The following NUGGC variants were observed in gnomAD, a reference collection of about 807,000 sequenced individuals.
NUGGC encodes nuclear GTPase SLIP-GC.
A neutral mutation model predicts 92.6 loss-of-function variants in NUGGC; 58 were observed. The observed-to-expected ratio is 0.63, with a 90% CI of 0.51 to 0.78. The LOEUF is 0.78. Ranked by LOEUF, NUGGC falls within the 30% of genes least tolerant of loss-of-function variation. The pLI, the probability that NUGGC is intolerant of heterozygous loss-of-function variation, is 0.00. For missense variants in NUGGC, 925 were observed against 964.6 expected, an observed-to-expected ratio of 0.96 and a Z score of 0.54; for synonymous variants, 376 against 366.4, an observed-to-expected ratio of 1.03 and a Z score of -0.30.
At chr8:28,070,988 CAAAAAATA>C (rs1222329895) in intron 2 of NUGGC, among the ~76,000 whole-genome samples, 53 of 151,202 alleles carry the variant, frequency 3.5e-4, no homozygotes, top group African/African-American at 9.2e-4. Context: ...GACCCTGTCT[CAAAAAATA>C]AAAAAATAAA....
intron 10 of NUGGC, among the ~76,000 whole-genome samples, chr8:28,051,338 G>A (rs1423315377): frequency 6.6e-6 from 1 of 152,148 alleles, no homozygotes; most frequent in African/African-American, 2.4e-5. Flanking sequence ...TTGAGCATCA[G>A]AATGAACACA....
chr8:28,070,665 G>A (rs1445034278), intron 2 of NUGGC, among the ~76,000 whole-genome samples: 1 of 150,376 alleles, frequency 6.6e-6, no homozygotes, highest in African/African-American at 2.4e-5. Flanking sequence ...GCATGATCAC[G>A]ACTCACTGCA....
At chr8:28,048,425 T>C (rs1021287990) in intron 10 of NUGGC, among the ~76,000 whole-genome samples, 3 of 144,346 alleles carry the variant, frequency 2.1e-5, no homozygotes, top group African/African-American at 7.9e-5. Flanking sequence ...TTGTTTGTTT[T>C]GGGGGATTTT....
chr8:28,081,007 T>TAA (rs146531275), intron 1 of NUGGC, among the ~76,000 whole-genome samples: 1 of 152,058 alleles, frequency 6.6e-6, no homozygotes, highest in African/African-American at 2.4e-5. Flanking sequence ...GAATTGGTTT[T>TAA]AAAAAAAATA....
rs769261379 is a variant in NUGGC, at chr8:28,055,957, T to G, written c.1206+8A>C. ...CAGAAAAACACATAGAGAAACCTAT[T>G]AACTCACCTTCAGTTTTTCCTTGAG... On this transcript the variant is annotated splice_region_variant and intron_variant, in intron 10 of 18. Coordinates refer to ENST00000413272, the MANE Select transcript of NUGGC (RefSeq NM_001010906.2). 1 of 1,419,060 alleles carries G rather than the reference T, an allele frequency of 7.0e-7. No individual in the cohort carries two copies. 87.9% of individuals were successfully genotyped at this position (1,419,060 alleles called of 1,614,324 possible). A position where few individuals can be genotyped will look rare whatever the true frequency, so the allele number is the denominator to read the frequency against.
chr8:28,040,147 C>A (rs1425595144), intron 13 of NUGGC, among the ~76,000 whole-genome samples: 2 of 152,146 alleles, frequency 1.3e-5, no homozygotes, highest in Admixed American at 6.6e-5. Flanking sequence ...GTGGTTCAGG[C>A]CACCCAGTCT....
At position 28,067,532 on chromosome 8, in the gene NUGGC, G is replaced by A. The variant is rs1461299210; in HGVS notation, c.693C>T (p.Ile231=). The A allele has an allele frequency of 1.2e-6, 2 of 1,609,108 alleles. No individual in the cohort carries two copies. The highest frequency in any genetic ancestry group is 1.1e-5 in the South Asian group (1 of 89,940). ...PKRKIPTSRV[I]TLKAEEAEEL... ...ACGCTACCTCTTCCGCCTTGAGGGT[G>A]ATGACTCTGGAGGTGGGGATCTTCC... The change falls in exon 6 of 19, where the codon ATC becomes ATT. Residue 231 remains isoleucine (I), a synonymous_variant. Transcript: ENST00000413272.
At chr8:28,058,943 A>T (rs1172492035) in intron 8 of NUGGC, among the ~76,000 whole-genome samples, 2 of 152,100 alleles carry the variant, frequency 1.3e-5, no homozygotes, top group East Asian at 3.8e-4. Flanking sequence ...TGACCTTGTG[A>T]TCTGCCCGCC....
Position 28,067,530 on chromosome 8 carries a change from G to T in NUGGC, c.695C>A (p.Thr232Asn). The change falls in exon 6 of 19, where the codon ACC (threonine) becomes AAC (asparagine). Residue 232 changes from threonine (T) to asparagine (N), a missense_variant. Transcript: ENST00000413272. ...TGACGCTACCTCTTCCGCCTTGAGG[G>T]TGATGACTCTGGAGGTGGGGATCTT... ...KRKIPTSRVI[T>N]LKAEEAEELS... is the part of the protein sequence containing the mutation. 6.2e-7 allele frequency: 1 copy of T among 1,608,742 alleles called. No homozygotes were observed. The highest frequency in any genetic ancestry group is 1.1e-5 in the South Asian group (1 of 89,882).
intron 6 of NUGGC, among the ~76,000 whole-genome samples, chr8:28,067,033 C>T (rs1346561905): frequency 6.6e-6 from 1 of 152,194 alleles, no homozygotes; most frequent in Non-Finnish European, 1.5e-5. Context: ...TTCTCCACTT[C>T]TTCCTTCCAG....
intron 13 of NUGGC, among the ~76,000 whole-genome samples, chr8:28,034,448 T>C (rs543219067): frequency 6.6e-6 from 1 of 152,224 alleles, no homozygotes; most frequent in Non-Finnish European, 1.5e-5. Context: ...CATTGTACAA[T>C]TGGTATAATT....
intron 17 of NUGGC, among the ~76,000 whole-genome samples, chr8:28,028,807 A>G (rs2130070156): frequency 6.6e-6 from 1 of 152,312 alleles, no homozygotes; most frequent in South Asian, 2.1e-4. Flanking sequence ...TTACTTACTG[A>G]CATTTTATGT....
chr8:28,072,634 G>T (rs1001038079), intron 2 of NUGGC, among the ~76,000 whole-genome samples: 2 of 152,162 alleles, frequency 1.3e-5, no homozygotes, highest in African/African-American at 4.8e-5. Context: ...TAAAGCAAAT[G>T]CTAGGAAGTC....
chr8:28,062,218 C>T (rs1478387841), intron 7 of NUGGC, among the ~76,000 whole-genome samples: 7 of 152,128 alleles, frequency 4.6e-5, no homozygotes, highest in African/African-American at 1.4e-4. Context: ...GGCCACACGA[C>T]GATGGATCCT....
At chr8:28,079,619 T>C (rs761952756) in intron 1 of NUGGC, among the ~76,000 whole-genome samples, 1 of 152,160 alleles carries the variant, frequency 6.6e-6, no homozygotes, top group Non-Finnish European at 1.5e-5. Context: ...CAAGGTCACA[T>C]AGTAAGATTA....
At chr8:28,051,665 C>G (rs1420464274) in intron 10 of NUGGC, among the ~76,000 whole-genome samples, 1 of 152,214 alleles carries the variant, frequency 6.6e-6, no homozygotes, top group African/African-American at 2.4e-5. Context: ...TTGGCTCATG[C>G]CTGTAATCCC....
intron 10 of NUGGC, among the ~76,000 whole-genome samples, chr8:28,050,688 G>T (rs1049618321): frequency 6.6e-6 from 1 of 152,060 alleles, no homozygotes; most frequent in Non-Finnish European, 1.5e-5. Context: ...GCGCATGCCT[G>T]TAATCCCAGC....
In NUGGC at chr8:28,074,487, G is replaced by A. The variant is rs1810671231; in HGVS notation, c.-46-31C>T. ...AAGACAAAGTACAAAGACAGGTGGGGCAGCGGAATTTGAAAATACAGAAAG... is the reference window on the plus strand; with the variant it reads ...AAGACAAAGTACAAAGACAGGTGGGACAGCGGAATTTGAAAATACAGAAAG... On this transcript the variant is annotated intron_variant, in intron 1 of 18. Coordinates refer to ENST00000413272, the MANE Select transcript of NUGGC (RefSeq NM_001010906.2). 9 of 1,497,242 alleles carry A rather than the reference G, an allele frequency of 6.0e-6. No individual in the cohort carries two copies. In the South Asian group the frequency reaches 1.0e-4, roughly 17 times the overall value. The allele number at this position is 1,497,242 out of a possible 1,614,324, so 92.7% of individuals were successfully genotyped here.
intron 13 of NUGGC, among the ~76,000 whole-genome samples, chr8:28,040,203 T>G (rs1042749093): frequency 6.6e-6 from 1 of 152,218 alleles, no homozygotes; most frequent in African/African-American, 2.4e-5. Flanking sequence ...ACAATAGGCC[T>G]CTTTTTTCAC....
Sources: gnomAD v4.1 joint callset for allele counts (sites outside exome capture counted in the v4.1 genomes callset) on GRCh38, gnomAD v4.1.1 for gene constraint, MANE v1.5 for transcripts, NCBI Gene and HGNC (gene_info 2026-07-23, HGNC 2026-07-21) for gene names.